Variants in TRIM71 observed in about 807,000 individuals in gnomAD.
TRIM71 encodes the protein tripartite motif containing 71.
In TRIM71, 9 loss-of-function variants were observed where a neutral mutation model predicts 61.2. That is an observed-to-expected ratio of 0.15 (90% confidence interval 0.09 to 0.26). The LOEUF (loss-of-function observed/expected upper bound fraction) is 0.26. Among genes scored for constraint, TRIM71 ranks in the 10% least tolerant of loss-of-function variants. The probability of loss-of-function intolerance (pLI) is 1.00; values close to 1 mark genes in which losing one functional copy is unlikely to be tolerated. For synonymous variants in TRIM71, 645 were observed against 553.2 expected (o/e 1.17, Z -2.33); for missense variants, 998 against 1,238.7 (o/e 0.81, Z 2.92).
At chr3:32,829,171 T>G (rs556787952) in intron 1 of TRIM71, among the ~76,000 whole-genome samples, 1 of 149,576 alleles carries the variant, frequency 6.7e-6, no homozygotes, top group African/African-American at 2.4e-5. Context: ...TTTTCTTTTT[T>G]TCTTTTTTCT....
intron 1 of TRIM71, among the ~76,000 whole-genome samples, chr3:32,831,545 T>TC (rs1696271036): frequency 6.8e-6 from 1 of 147,958 alleles, no homozygotes; most frequent in African/African-American, 2.5e-5. Context: ...CCTTTTTTTT[T>TC]TTTTTTTTTT....
intron 1 of TRIM71, among the ~76,000 whole-genome samples, chr3:32,868,023 G>A (rs532142993): frequency 9.2e-5 from 14 of 152,088 alleles, no homozygotes; most frequent in African/African-American, 1.7e-4. Context: ...TTTAACAGAC[G>A]CTGCTGAGAC....
At chr3:32,865,462 G>A (rs1249949239) in intron 1 of TRIM71, among the ~76,000 whole-genome samples, 1 of 152,166 alleles carries the variant, frequency 6.6e-6, no homozygotes, top group Non-Finnish European at 1.5e-5. Flanking sequence ...GGCTGTGTGG[G>A]TTGGGCGGCA....
chr3:32,843,879 C>A (rs1368882401), intron 1 of TRIM71, among the ~76,000 whole-genome samples: 2 of 152,108 alleles, frequency 1.3e-5, no homozygotes, highest in South Asian at 4.2e-4. Context: ...GCCCTGCCCG[C>A]CCACCCTGCC....
chr3:32,842,169 G>C (rs1559540727), intron 1 of TRIM71, among the ~76,000 whole-genome samples: 1 of 152,208 alleles, frequency 6.6e-6, no homozygotes, highest in Non-Finnish European at 1.5e-5. Flanking sequence ...TTCCATCACT[G>C]TCTAGATTTA....
intron 1 of TRIM71, among the ~76,000 whole-genome samples, chr3:32,856,941 C>A (rs1696612852): frequency 6.6e-6 from 1 of 152,124 alleles, no homozygotes; most frequent in Non-Finnish European, 1.5e-5. Context: ...ATGTAGTATC[C>A]CCATTTATGG....
chr3:32,882,172 G>C (rs1421472022), intron 2 of TRIM71, among the ~76,000 whole-genome samples: 1 of 151,540 alleles, frequency 6.6e-6, no homozygotes, highest in Non-Finnish European at 1.5e-5. Flanking sequence ...TGTAGCCCAG[G>C]CTGGGTCTTT....
At chr3:32,875,114 C>T (rs898130469) in intron 2 of TRIM71, among the ~76,000 whole-genome samples, 6 of 152,232 alleles carry the variant, frequency 3.9e-5, no homozygotes, top group Non-Finnish European at 5.9e-5. Flanking sequence ...AGCCACCATG[C>T]CCGGCCTAAT....
At chr3:32,822,093 A>G (rs1328368880) in intron 1 of TRIM71, among the ~76,000 whole-genome samples, 1 of 152,130 alleles carries the variant, frequency 6.6e-6, no homozygotes, top group Non-Finnish European at 1.5e-5. Context: ...GGCAGCAGAA[A>G]TGCTGGGTGT....
rs1697051065 is a variant in TRIM71, at chr3:32,893,715, G to A, written c.*1904G>A. The A allele has an allele frequency of 6.6e-6, 1 of 152,178 alleles. No homozygotes were observed. Among genetic ancestry groups the A allele is most frequent in the Non-Finnish European group, 1.5e-5 (1 of 68,026 alleles). The allele number at this position is 152,178 out of a possible 1,614,324, so 9.4% of individuals were successfully genotyped here. A position where few individuals can be genotyped will look rare whatever the true frequency, so the allele number is the denominator to read the frequency against. ...TGTTTCTGTTATCCCAATAGAAAAG[G>A]AGATGATGGGGACAGTGTGACAAGT... On this transcript the variant is annotated 3_prime_UTR_variant, in exon 4 of 4. Transcript: ENST00000383763.
intron 2 of TRIM71, among the ~76,000 whole-genome samples, chr3:32,881,810 G>A (rs1438320644): frequency 6.6e-6 from 1 of 152,166 alleles, no homozygotes; most frequent in Non-Finnish European, 1.5e-5. Context: ...AATAAGTCCT[G>A]GTCTGCACAT....
chr3:32,877,464 CCTTT>C (rs1696863078), intron 2 of TRIM71, among the ~76,000 whole-genome samples: 1 of 151,874 alleles, frequency 6.6e-6, no homozygotes. Flanking sequence ...CAATCCATCC[CCTTT>C]CTTTGGCCTC....
chr3:32,868,945 T>A lies in TRIM71; in HGVS notation c.853-4873T>A, dbSNP rs143260327. ...CGTGGCCAGGGCTACAGGAGAGGCT[T>A]CTGCTGAGGGTTTGGGCTGCAGATT... On this transcript the variant is annotated intron_variant, in intron 1 of 3. Transcript: ENST00000383763. Among the ~76,000 whole-genome samples, 14 of 152,326 alleles carry A rather than the reference T, an allele frequency of 9.2e-5. No homozygotes were observed. The East Asian group carries it at 2.7e-3, about 29-fold the overall frequency.
At chr3:32,889,143 C>T (rs1316931347) in intron 3 of TRIM71, among the ~76,000 whole-genome samples, 5 of 152,202 alleles carry the variant, frequency 3.3e-5, no homozygotes, top group Non-Finnish European at 7.4e-5. Context: ...TAAACTACAA[C>T]TCTGTGTGAG....
intron 1 of TRIM71, among the ~76,000 whole-genome samples, chr3:32,821,269 G>A (rs1696125604): frequency 6.6e-6 from 1 of 152,182 alleles, no homozygotes; most frequent in African/African-American, 2.4e-5. Flanking sequence ...ATATTTTAAT[G>A]TGTATACTGT....
At position 32,891,307 on chromosome 3, in the gene TRIM71, C is replaced by T; in HGVS notation, c.2103C>T (p.Asn701=). ...AAGGAACCAAGAATGGGCAGTTCAACTACCCTTGGGATGTGGCGGTGAATT... is the reference window on the plus strand; with the variant it reads ...AAGGAACCAAGAATGGGCAGTTCAATTACCCTTGGGATGTGGCGGTGAATT... ...GEKGTKNGQF[N]YPWDVAVNSE... is the part of the protein sequence containing the mutation. The change falls in exon 4 of 4, where the codon AAC becomes AAT. Residue 701 remains asparagine, a synonymous_variant. Coordinates refer to ENST00000383763, the MANE Select transcript of TRIM71 (RefSeq NM_001039111.3). The surrounding 1 kb of genome is among the most constrained non-coding windows in gnomAD (Gnocchi z 8.2). The T allele has an allele frequency of 1.9e-6, 3 of 1,614,106 alleles. No homozygotes were observed. Among genetic ancestry groups the T allele is most frequent in the Non-Finnish European group, 2.5e-6 (3 of 1,180,036 alleles).
chr3:32,822,305 G>C (rs1013342697), intron 1 of TRIM71, among the ~76,000 whole-genome samples: 3 of 152,096 alleles, frequency 2.0e-5, no homozygotes, highest in Admixed American at 6.5e-5. Flanking sequence ...GTTTTCTGGA[G>C]TCTGGTTGGA....
chr3:32,842,200 G>A (rs377551088), intron 1 of TRIM71, among the ~76,000 whole-genome samples: 56 of 152,294 alleles, frequency 3.7e-4, no homozygotes, highest in Non-Finnish European at 7.2e-4. Flanking sequence ...AACATTGTCC[G>A]TTTTGAAAAC....
intron 1 of TRIM71, among the ~76,000 whole-genome samples, chr3:32,832,953 A>C (rs1696290105): frequency 6.6e-6 from 1 of 152,002 alleles, no homozygotes; most frequent in Non-Finnish European, 1.5e-5. Flanking sequence ...CAGGTGGATC[A>C]TCTGAGGTCA....
Sources: gnomAD v4.1 joint callset for allele counts (sites outside exome capture counted in the v4.1 genomes callset) on GRCh38, gnomAD v4.1.1 for gene constraint, Gnocchi (gnomAD v3.1) non-coding constraint, MANE v1.5 for transcripts, NCBI Gene and HGNC (gene_info 2026-07-23, HGNC 2026-07-21) for gene names.